Variants in DTD1 observed in about 807,000 individuals in gnomAD.
The protein encoded by DTD1 is D-tyrosyl-tRNA deacylase 1 homolog.
A neutral mutation model predicts 25.6 loss-of-function variants in DTD1; 13 were observed. The observed-to-expected ratio is 0.51, with a 90% CI of 0.33 to 0.81. The LOEUF (loss-of-function observed/expected upper bound fraction) is 0.81. Among genes scored for constraint, DTD1 ranks in the 30% least tolerant of loss-of-function variants. The pLI is 0.02. For synonymous variants in DTD1, 110 were observed against 103.6 expected (o/e 1.06, Z -0.37); for missense variants, 193 against 266.4 (o/e 0.72, Z 1.92).
chr20:18,677,662 T>G (rs757883603), intron 4 of DTD1, among the ~76,000 whole-genome samples: 1 of 152,152 alleles, frequency 6.6e-6, no homozygotes, highest in Non-Finnish European at 1.5e-5. Context: ...CGATACAGTT[T>G]TATTAAATTC....
chr20:18,721,397 T>C (rs1449106947), intron 4 of DTD1, among the ~76,000 whole-genome samples: 2 of 152,240 alleles, frequency 1.3e-5, no homozygotes, highest in Non-Finnish European at 1.5e-5. Flanking sequence ...TTTGCCTTTC[T>C]TGGCAAAAGT....
At chr20:18,714,445 C>T (rs1464396714) in intron 4 of DTD1, among the ~76,000 whole-genome samples, 3 of 152,198 alleles carry the variant, frequency 2.0e-5, no homozygotes. Flanking sequence ...CTTCAAGTTT[C>T]CTTCTCCTTG....
intron 3 of DTD1, among the ~76,000 whole-genome samples, chr20:18,623,906 G>T (rs118001460): frequency 7.6e-6 from 1 of 132,180 alleles, no homozygotes; most frequent in South Asian, 2.7e-4. Context: ...GTGTGTGTGT[G>T]TAGAGACAGA....
intron 5 of DTD1, among the ~76,000 whole-genome samples, chr20:18,759,650 C>G (rs1250259003): frequency 1.3e-5 from 2 of 152,336 alleles, no homozygotes; most frequent in Non-Finnish European, 1.5e-5. Flanking sequence ...CAACCTTTCT[C>G]TCTGGCTGCC....
chr20:18,698,497 A>G (rs527770443), intron 4 of DTD1: 3 of 152,354 alleles, frequency 2.0e-5, no homozygotes, highest in East Asian at 1.9e-4. Context: ...TCCCCTGTGG[A>G]CAGTGGGAAA....
chr20:18,653,946 A>G (rs1171206357), intron 4 of DTD1, among the ~76,000 whole-genome samples: 3 of 152,262 alleles, frequency 2.0e-5, no homozygotes, highest in Non-Finnish European at 4.4e-5. Context: ...GTTCAAGGTC[A>G]TGTGACATGG....
At chr20:18,700,682 C>T (rs2061101188) in intron 4 of DTD1, among the ~76,000 whole-genome samples, 1 of 152,004 alleles carries the variant, frequency 6.6e-6, no homozygotes, top group Admixed American at 6.6e-5. Context: ...CCACAGTGAC[C>T]CTTTTGACGT....
chr20:18,649,373 C>G (rs964090490), intron 4 of DTD1, among the ~76,000 whole-genome samples: 1 of 94,496 alleles, frequency 1.1e-5, no homozygotes, highest in Admixed American at 1.8e-4. Flanking sequence ...GAGTCTTGCT[C>G]TGTCGCCCAG....
intron 4 of DTD1, among the ~76,000 whole-genome samples, chr20:18,636,970 A>C (rs1032355263): frequency 5.3e-5 from 8 of 152,142 alleles, no homozygotes; most frequent in Non-Finnish European, 1.2e-4. Context: ...GAGTTCCTGG[A>C]GTGTCTGGAT....
At chr20:18,651,186 C>A (rs139770585) in intron 4 of DTD1, among the ~76,000 whole-genome samples, 1 of 152,354 alleles carries the variant, frequency 6.6e-6, no homozygotes, top group East Asian at 1.9e-4. Flanking sequence ...GAGTCTCACT[C>A]TGTTATGCCG....
intron 5 of DTD1, among the ~76,000 whole-genome samples, chr20:18,747,280 T>C (rs1487274425): frequency 1.3e-5 from 2 of 152,224 alleles, no homozygotes; most frequent in African/African-American, 2.4e-5. Flanking sequence ...GAGTAAGTTC[T>C]ATGGTTTTTC....
At position 18,708,092 on chromosome 20, in the gene DTD1, G is replaced by T. The variant is rs538689191; in HGVS notation, c.478-36008G>T. Among the ~76,000 whole-genome samples the T allele has an allele frequency of 2.7e-5, 4 of 145,574 alleles. No individual in the cohort carries two copies. In the South Asian group the frequency reaches 8.7e-4, roughly 32 times the overall value. On this transcript the variant is annotated intron_variant, in intron 4 of 5. Transcript: ENST00000377452. ...CTGGTCCCAATTGAGATGTGCCGTG[G>T]GTATACAGTACACACTGGATCAAAG...
chr20:18,647,710 A>T (rs575330293), intron 4 of DTD1, among the ~76,000 whole-genome samples: 1 of 152,136 alleles, frequency 6.6e-6, no homozygotes, highest in Admixed American at 6.5e-5. Context: ...AGGAGCTTGT[A>T]CTTTTGTTTT....
At chr20:18,742,365 CA>C (rs1343165647) in intron 4 of DTD1, among the ~76,000 whole-genome samples, 3 of 152,130 alleles carry the variant, frequency 2.0e-5, no homozygotes, top group East Asian at 1.9e-4. Flanking sequence ...AAGAATAAGC[CA>C]GGGGTCCTCA....
rs367802644 is a variant in DTD1, at chr20:18,761,036, T to G, written c.*20-2324T>G. ...TGTGGGCGTAGGACCCTCAGAGCCATGCGCGGGATATAATCTCCTGGTGTG... is the reference window on the plus strand; with the variant it reads ...TGTGGGCGTAGGACCCTCAGAGCCAGGCGCGGGATATAATCTCCTGGTGTG... On this transcript the variant is annotated intron_variant, in intron 5 of 5. Coordinates refer to ENST00000377452, the MANE Select transcript of DTD1 (RefSeq NM_080820.6). 5.5e-3 allele frequency among the ~76,000 whole-genome samples: 831 copies of G among 152,312 alleles called. 12 individuals are homozygous for G. Among genetic ancestry groups the G allele is most frequent in the African/African-American group, 0.019 (786 of 41,574 alleles).
chr20:18,726,507 A>G (rs1209330313), intron 4 of DTD1, among the ~76,000 whole-genome samples: 2 of 152,184 alleles, frequency 1.3e-5, no homozygotes, highest in Non-Finnish European at 2.9e-5. Flanking sequence ...CCTGTCACTC[A>G]TCAGGGTAAA....
intron 4 of DTD1, among the ~76,000 whole-genome samples, chr20:18,653,396 GACAA>G (rs373571473): frequency 5.9e-5 from 9 of 152,232 alleles, no homozygotes; most frequent in African/African-American, 1.9e-4. Context: ...TCTGTCTCAA[GACAA>G]ACAAACAGAC....
chr20:18,658,336 T>A (rs1458574173), intron 4 of DTD1, among the ~76,000 whole-genome samples: 1 of 151,884 alleles, frequency 6.6e-6, no homozygotes, highest in Non-Finnish European at 1.5e-5. Flanking sequence ...ATTTCTTTTT[T>A]TTTTTTTGAG....
Position 18,766,227 on chromosome 20 carries a change from T to G in DTD1, c.*2887T>G, listed in dbSNP as rs2061378471. 1 of 152,196 alleles carries G rather than the reference T, an allele frequency of 6.6e-6. No homozygotes were observed. The highest frequency in any genetic ancestry group is 2.1e-4 in the South Asian group (1 of 4,838). 9.4% of individuals were successfully genotyped at this position (152,196 alleles called of 1,614,324 possible). A position where few individuals can be genotyped will look rare whatever the true frequency, so the allele number is the denominator to read the frequency against. On this transcript the variant is annotated 3_prime_UTR_variant, in exon 6 of 6. Transcript: ENST00000377452. ...AACAAATAGTTCCGCAAACACCCTA[T>G]TTCCTTTGATATGGTAACATTTGAG...
Sources: allele counts gnomAD v4.1 joint callset (sites outside exome capture counted in the v4.1 genomes callset), GRCh38; gene constraint gnomAD v4.1.1; transcripts MANE v1.5; gene names NCBI Gene and HGNC (gene_info 2026-07-23, HGNC 2026-07-21).